The following PRUNE2 variants were observed in gnomAD, a reference collection of about 807,000 sequenced individuals.
PRUNE2 encodes prune homolog 2 with BCH domain.
A neutral mutation model predicts 252.0 loss-of-function variants in PRUNE2; 164 were observed. That is an observed-to-expected ratio of 0.65 (90% CI 0.57 to 0.74). The LOEUF is 0.74. Ranked by LOEUF, PRUNE2 falls within the 30% of genes least tolerant of loss-of-function variation. PRUNE2 has a pLI of 0.00. For missense variants in PRUNE2, 3,495 were observed against 3,711.0 expected (o/e 0.94, Z 1.51); for synonymous variants, 1,292 against 1,350.2 (o/e 0.96, Z 0.94).
chr9:76,800,716 G>T (rs1327143954), intron 6 of PRUNE2, among the ~76,000 whole-genome samples: 1 of 152,102 alleles, frequency 6.6e-6, no homozygotes, highest in Non-Finnish European at 1.5e-5. Context: ...TCTACAGCGA[G>T]CCTCACACCC....
intron 9 of PRUNE2, 112 bp from the exon 10 acceptor site, chr9:76,655,614 A>G: frequency 1.3e-6 from 1 of 779,482 alleles, no homozygotes; most frequent in Non-Finnish European, 2.2e-6. Context: ...CTTAAAATAA[A>G]CCATGTATGG....
intron 1 of PRUNE2, among the ~76,000 whole-genome samples, chr9:76,899,735 A>C (rs79263726): frequency 0.017 from 2,552 of 152,320 alleles, 32 homozygotes; most frequent in South Asian, 0.051. Flanking sequence ...TATAATGACA[A>C]GCGGAAATAA....
chr9:76,765,908 C>T lies in PRUNE2; in HGVS notation c.757-52187G>A, dbSNP rs149371170. Reference sequence around the variant, plus strand: ...TAGAAATATCTCGTTAGAGGCCAGACGCGGTGGCTCACGCCTATAATCCCA... The same window carrying T: ...TAGAAATATCTCGTTAGAGGCCAGATGCGGTGGCTCACGCCTATAATCCCA... On this transcript the variant is annotated intron_variant, in intron 6 of 18. Coordinates refer to ENST00000376718, the MANE Select transcript of PRUNE2 (RefSeq NM_015225.3). Among the ~76,000 whole-genome samples the T allele has an allele frequency of 2.0e-4, 30 of 152,222 alleles. No individual in the cohort carries two copies. In the East Asian group the frequency reaches 3.5e-3, roughly 18 times the overall value.
intron 1 of PRUNE2, among the ~76,000 whole-genome samples, chr9:76,904,949 C>T (rs1490064986): frequency 6.6e-6 from 1 of 152,146 alleles, no homozygotes; most frequent in Non-Finnish European, 1.5e-5. Context: ...TAAAACATTA[C>T]CTTAATGCAG....
chr9:76,771,459 TGCTCAAGGAGACA>T, intron 6 of PRUNE2, among the ~76,000 whole-genome samples: 1 of 152,190 alleles, frequency 6.6e-6, no homozygotes, highest in Non-Finnish European at 1.5e-5. Flanking sequence ...GCAGAGTCCC[TGCTCAAGGAGACA>T]GACACAAACT....
chr9:76,619,688 T>A (rs770881674), intron 17 of PRUNE2, among the ~76,000 whole-genome samples: 2 of 152,264 alleles, frequency 1.3e-5, no homozygotes, highest in Non-Finnish European at 2.9e-5. Context: ...GGGGACATAT[T>A]ACAAAATTGT....
At chr9:76,623,893 G>A (rs1833520378) in intron 17 of PRUNE2, among the ~76,000 whole-genome samples, 2 of 152,208 alleles carry the variant, frequency 1.3e-5, no homozygotes, top group South Asian at 4.1e-4. Context: ...TTGCATGAGA[G>A]TTGTAATTTT....
rs1372518616 is a variant in PRUNE2 at position 76,709,250 on chromosome 9, AG to A, written c.3023del (p.Thr1008MetfsTer23). The A allele has an allele frequency of 6.2e-7, 1 of 1,613,830 alleles. No individual in the cohort carries two copies. The highest frequency in any genetic ancestry group is 1.1e-5 in the South Asian group (1 of 91,080). On this transcript the variant is annotated frameshift_variant, in exon 8 of 19. Transcript: ENST00000376718. LOFTEE classifies it high-confidence loss of function. ...SKDGNSTAEE[T>X]DIPPQSLQQS... ...GTTGCAGTGACTGAGGAGGAATGTCAGTCTCCTCTGCCGTGGAGTTACCATC... is the reference window on the plus strand; with the variant it reads ...GTTGCAGTGACTGAGGAGGAATGTCATCTCCTCTGCCGTGGAGTTACCATC...
chr9:76,813,649 A>G (rs1179788539), intron 6 of PRUNE2, among the ~76,000 whole-genome samples: 1 of 152,180 alleles, frequency 6.6e-6, no homozygotes, highest in Non-Finnish European at 1.5e-5. Context: ...AAAAACATCA[A>G]CTACATTTTT....
chr9:76,898,067 G>A (rs1014507237), intron 1 of PRUNE2, among the ~76,000 whole-genome samples: 3 of 152,198 alleles, frequency 2.0e-5, no homozygotes, highest in African/African-American at 4.8e-5. Flanking sequence ...GAGACCCGGG[G>A]AGGCTAAGAA....
At position 76,709,786 on chromosome 9, in the gene PRUNE2, C is replaced by G. The variant is rs752590010; in HGVS notation, c.2488G>C (p.Asp830His). Reference sequence around the variant, plus strand: ...TTTGCCATGGCCCACTCATTCGGGTCCCTAACAGAAGGTGTCTTGCTGCTT... The same window carrying G: ...TTTGCCATGGCCCACTCATTCGGGTGCCTAACAGAAGGTGTCTTGCTGCTT... ...PTSSKTPSVR[D>H]PNEWAMAKSG... Residue 830 changes from aspartate (D) to histidine (H), a missense_variant, in exon 8 of 19, where the codon GAC (aspartate) becomes CAC (histidine). Physicochemically the swap from Asp to His is moderately conservative, Grantham distance 81 (BLOSUM62 -1). Coordinates refer to ENST00000376718, the MANE Select transcript of PRUNE2 (RefSeq NM_015225.3). The G allele has an allele frequency of 6.2e-7, 1 of 1,613,922 alleles. No individual in the cohort carries two copies. Among genetic ancestry groups the G allele is most frequent in the East Asian group, 2.2e-5 (1 of 44,876 alleles).
intron 7 of PRUNE2, among the ~76,000 whole-genome samples, chr9:76,712,890 G>C (rs1372239294): frequency 1.3e-5 from 2 of 152,160 alleles, no homozygotes. Flanking sequence ...AAGGGGCAGA[G>C]ACTGTGCCTC....
intron 6 of PRUNE2, among the ~76,000 whole-genome samples, chr9:76,817,427 C>T (rs2057760725): frequency 6.6e-6 from 1 of 152,182 alleles, no homozygotes; most frequent in African/African-American, 2.4e-5. Flanking sequence ...TTCATGGGCA[C>T]ATCTATTTGA....
In PRUNE2 at chr9:76,644,732, C is replaced by T. The variant is rs756934666; in HGVS notation, c.8728+7G>A. On this transcript the variant is annotated splice_region_variant and intron_variant, in intron 12 of 18. Coordinates refer to ENST00000376718, the MANE Select transcript of PRUNE2 (RefSeq NM_015225.3). ...CCATTTCCCAGATTCATGCTGAGCT[C>T]GACTACCTCCGTGAGAAATGACTCT... 12 of 1,613,006 alleles carry T rather than the reference C, an allele frequency of 7.4e-6. No homozygotes were observed. The highest frequency in any genetic ancestry group is 2.7e-5 in the African/African-American group (2 of 74,894).
At chr9:76,704,462 T>C (rs2046156926) in intron 8 of PRUNE2, among the ~76,000 whole-genome samples, 1 of 152,190 alleles carries the variant, frequency 6.6e-6, no homozygotes, top group African/African-American at 2.4e-5. Context: ...TGACATCAGG[T>C]GATCCCCCCT....
chr9:76,897,141 A>G (rs1344249928), intron 1 of PRUNE2, among the ~76,000 whole-genome samples: 1 of 152,206 alleles, frequency 6.6e-6, no homozygotes, highest in Non-Finnish European at 1.5e-5. Context: ...AAAACAAGCA[A>G]CACAGAAGAA....
chr9:76,620,393 G>A (rs560403766), intron 17 of PRUNE2, among the ~76,000 whole-genome samples: 5 of 151,866 alleles, frequency 3.3e-5, no homozygotes, highest in Admixed American at 6.6e-5. Context: ...CTCCTGCCTC[G>A]GCCTCCCAAA....
At chr9:76,866,517 T>C (rs2060847364) in intron 1 of PRUNE2, among the ~76,000 whole-genome samples, 1 of 152,234 alleles carries the variant, frequency 6.6e-6, no homozygotes, top group Non-Finnish European at 1.5e-5. Context: ...TATTCATAAG[T>C]AGAATGACAA....
chr9:76,854,283 A>C (rs1564445028), intron 1 of PRUNE2, 75 bp from the exon 2 acceptor site: 3 of 747,262 alleles, frequency 4.0e-6, no homozygotes, highest in Non-Finnish European at 6.5e-6. Flanking sequence ...AATATTTTAA[A>C]AAAGTATGCC....
Sources: allele counts gnomAD v4.1 joint callset (sites outside exome capture counted in the v4.1 genomes callset), GRCh38; gene constraint gnomAD v4.1.1; transcripts MANE v1.5; gene names NCBI Gene and HGNC (gene_info 2026-07-23, HGNC 2026-07-21).